Variants in TSPEAR observed in about 807,000 individuals in gnomAD.
TSPEAR encodes thrombospondin-type laminin G domain and EAR repeat-containing protein.
TSPEAR carries 69 observed loss-of-function variants against 71.6 expected under a neutral mutation model. The observed-to-expected ratio is 0.96, with a 90% CI of 0.79 to 1.18. The LOEUF is 1.18. Ranked by LOEUF, TSPEAR falls within the 50% of genes most tolerant of loss-of-function variation. The pLI, the probability that TSPEAR is intolerant of heterozygous loss-of-function variation, is 0.00. For synonymous variants in TSPEAR, 402 were observed against 387.2 expected (o/e 1.04, Z -0.45); for missense variants, 971 against 894.9 (o/e 1.09, Z -1.09).
At chr21:44,610,899 T>TC (rs1981623269) in intron 1 of TSPEAR, among the ~76,000 whole-genome samples, 1 of 152,220 alleles carries the variant, frequency 6.6e-6, no homozygotes, top group Admixed American at 6.5e-5. Flanking sequence ...AAAATTTGAC[T>TC]CCCCTGCTGG....
At chr21:44,566,842 A>G (rs782721590) in intron 2 of TSPEAR, among the ~76,000 whole-genome samples, 12 of 152,336 alleles carry the variant, frequency 7.9e-5, no homozygotes, top group Admixed American at 5.9e-4. Flanking sequence ...CCCCTACCTC[A>G]CACCACATAC....
chr21:44,613,385 G>A (rs112906672), intron 1 of TSPEAR, among the ~76,000 whole-genome samples: 104 of 152,278 alleles, frequency 6.8e-4, no homozygotes, highest in Middle Eastern at 3.4e-3. Flanking sequence ...GCTCAGTCCC[G>A]GCTCAGCCCC....
At chr21:44,537,321 C>T (rs1180253701) in intron 2 of TSPEAR, among the ~76,000 whole-genome samples, 1 of 151,866 alleles carries the variant, frequency 6.6e-6, no homozygotes, top group African/African-American at 2.4e-5. Context: ...ACTGGAAAAG[C>T]TTTCTAAAAT....
At chr21:44,601,469 C>T in intron 1 of TSPEAR, 1 of 1,610,000 alleles carries the variant, frequency 6.2e-7, no homozygotes. Context: ...TGCTCTGGGG[C>T]TTCCACTTCA....
At chr21:44,674,731 AGTGTGTGTGTGTGT>A (rs59452363) in intron 1 of TSPEAR, among the ~76,000 whole-genome samples, 1,979 of 127,132 alleles carry the variant, frequency 0.016, 36 homozygotes, top group Middle Eastern at 0.032. Flanking sequence ...CTGTCTTTAA[AGTGTGTGTGTGTGT>A]GTGTGTGTGT....
In TSPEAR at chr21:44,573,796, G is replaced by A. The variant is rs201059120; in HGVS notation, c.83-5791C>T. On this transcript the variant is annotated intron_variant, in intron 1 of 11. Coordinates refer to ENST00000323084, the MANE Select transcript of TSPEAR (RefSeq NM_144991.3). ...TCCAGCGACCTGAGCTACAGCAGCC[G>A]CGTCTGCCTTCCTGGTTCCTGTGAC... 619 of 1,613,848 alleles carry A rather than the reference G, an allele frequency of 3.8e-4. No homozygotes were observed. The highest frequency in any genetic ancestry group is 4.7e-4 in the Non-Finnish European group (560 of 1,179,774).
Position 44,591,533 on chromosome 21 carries a change from C to T in TSPEAR, c.83-23528G>A, listed in dbSNP as rs201469997. The T allele has an allele frequency of 1.3e-3, 2,124 of 1,613,038 alleles. 3 individuals are homozygous for T. Among genetic ancestry groups the T allele is most frequent in the Admixed American group, 4.3e-3 (257 of 60,018 alleles). On this transcript the variant is annotated intron_variant, in intron 1 of 11. Coordinates refer to ENST00000323084, the MANE Select transcript of TSPEAR (RefSeq NM_144991.3). ...GAGGCACCACAGGAGGGGACGGGCA[C>T]GCAGCAGGTGGACTTGCACACAGGG...
intron 1 of TSPEAR, among the ~76,000 whole-genome samples, chr21:44,630,372 A>C (rs1468275262): frequency 1.3e-5 from 2 of 152,206 alleles, no homozygotes; most frequent in African/African-American, 4.8e-5. Context: ...TTAAAGGCAA[A>C]TGAACCAGTC....
intron 1 of TSPEAR, among the ~76,000 whole-genome samples, chr21:44,577,999 C>T (rs892799932): frequency 3.9e-5 from 6 of 152,156 alleles, no homozygotes; most frequent in Non-Finnish European, 8.8e-5. Context: ...TGGTTTTATA[C>T]AGGGGAGTTT....
At chr21:44,602,463 G>A (rs115026214) in intron 1 of TSPEAR, among the ~76,000 whole-genome samples, 2,308 of 152,320 alleles carry the variant, frequency 0.015, 56 homozygotes, top group African/African-American at 0.052. Flanking sequence ...CCCCATGGCC[G>A]TGTGCAGAAT....
At chr21:44,558,180 G>A (rs782077366) in intron 2 of TSPEAR, 26 of 1,546,374 alleles carry the variant, frequency 1.7e-5, no homozygotes, top group East Asian at 2.4e-5. Context: ...GGAGGCAGGG[G>A]CACAGCAGGA....
chr21:44,564,932 T>G (rs1273034349), intron 2 of TSPEAR, among the ~76,000 whole-genome samples: 1 of 151,924 alleles, frequency 6.6e-6, no homozygotes, highest in Non-Finnish European at 1.5e-5. Flanking sequence ...TAATGCAAAG[T>G]ATGTATTCTG....
In TSPEAR at chr21:44,702,540, C is replaced by T. The variant is rs537513150; in HGVS notation, c.82+8893G>A. On this transcript the variant is annotated intron_variant, in intron 1 of 11. Coordinates refer to ENST00000323084, the MANE Select transcript of TSPEAR (RefSeq NM_144991.3). ...GTGTGCCTGTCTGCTCTGGGGCTTC[C>T]TCCCTGTGCTGCCAGCAGTCTAGCT... The T allele has an allele frequency of 1.2e-4, 186 of 1,610,018 alleles. 1 individual carries two copies. In the East Asian group the frequency reaches 3.3e-3, roughly 28 times the overall value.
chr21:44,591,691 G>T, intron 1 of TSPEAR: 1 of 1,576,990 alleles, frequency 6.3e-7, no homozygotes, highest in Non-Finnish European at 8.7e-7. Flanking sequence ...GTGCTGGCAG[G>T]GGGAGGAGGT....
chr21:44,511,321 G>A (rs782414715), intron 9 of TSPEAR, among the ~76,000 whole-genome samples: 4 of 151,020 alleles, frequency 2.6e-5, no homozygotes, highest in Middle Eastern at 3.4e-3. Context: ...ATGCACGCCT[G>A]CATGCATGCA....
At chr21:44,681,222 C>T (rs2838630) in intron 1 of TSPEAR, among the ~76,000 whole-genome samples, 24,171 of 152,236 alleles carry the variant, frequency 0.16, 2,004 homozygotes, top group African/African-American at 0.17. Flanking sequence ...CTCCGCGACC[C>T]GGGAAGCAGG....
At chr21:44,676,797 T>C in intron 1 of TSPEAR, 1 of 908,940 alleles carries the variant, frequency 1.1e-6, no homozygotes, top group Non-Finnish European at 1.9e-6. Flanking sequence ...CTTTTGCTAC[T>C]ACAGAGTCAA....
At position 44,499,768 on chromosome 21, in the gene TSPEAR, C is replaced by T. The variant is rs782781553; in HGVS notation, c.*15G>A. The T allele has an allele frequency of 4.2e-5, 65 of 1,546,902 alleles. No individual in the cohort carries two copies. Among genetic ancestry groups the T allele is most frequent in the Middle Eastern group, 2.2e-4 (1 of 4,592 alleles). ...CCCACCTGGCCACCCCAGTTGCTGC[C>T]GGGCAGCCGCGGCCTCAGCGTGTCC... On this transcript the variant is annotated 3_prime_UTR_variant, in exon 12 of 12. Transcript: ENST00000323084.
At chr21:44,688,977 T>C (rs1986987050) in intron 1 of TSPEAR, among the ~76,000 whole-genome samples, 1 of 152,144 alleles carries the variant, frequency 6.6e-6, no homozygotes, top group South Asian at 2.1e-4. Flanking sequence ...AAAGTGAGGC[T>C]GGCGATGGAT....
Sources: gnomAD v4.1 joint callset for allele counts (sites outside exome capture counted in the v4.1 genomes callset) on GRCh38, gnomAD v4.1.1 for gene constraint, MANE v1.5 for transcripts, NCBI Gene and HGNC (gene_info 2026-07-23, HGNC 2026-07-21) for gene names.